The following ZNF567 variants were observed in gnomAD, a reference collection of about 807,000 sequenced individuals.
The protein encoded by ZNF567 is zinc finger protein 567.
A neutral mutation model predicts 53.9 loss-of-function variants in ZNF567; 36 were observed. That is an observed-to-expected ratio of 0.67 (90% CI 0.51 to 0.88). The LOEUF (loss-of-function observed/expected upper bound fraction) is 0.88. Ranked by LOEUF, ZNF567 falls within the 40% of genes least tolerant of loss-of-function variation. ZNF567 has a pLI of 0.00. For synonymous variants in ZNF567, 224 were observed against 260.4 expected (o/e 0.86, Z 1.35); for missense variants, 619 against 764.7 (o/e 0.81, Z 2.25).
chr19:36,705,225 C>T (rs1353077922), intron 3 of ZNF567, among the ~76,000 whole-genome samples: 3 of 152,076 alleles, frequency 2.0e-5, no homozygotes, highest in Non-Finnish European at 4.4e-5. Context: ...TCCTTTCCCT[C>T]TCATGACTTT....
the ZNF567 span, among the ~76,000 whole-genome samples, chr19:36,681,349 C>T: frequency 1.3e-5 from 2 of 152,090 alleles, no homozygotes; most frequent in Non-Finnish European, 2.9e-5. Flanking sequence ...TTAAGGGTCC[C>T]TTTTACATAT....
rs940944584 is a variant in ZNF567 at position 36,708,810 on chromosome 19, T to C, written c.10-3576T>C. Among the ~76,000 whole-genome samples, 51 of 152,250 alleles carry C rather than the reference T, an allele frequency of 3.3e-4. 2 individuals carry two copies. Among genetic ancestry groups the C allele is most frequent in the Admixed American group, 2.7e-3 (42 of 15,290 alleles). ...TCCTCCTAACCCGTTCTTGCTTATC[T>C]GTTCCTACATTCTGTTGTATTTTGT... On this transcript the variant is annotated intron_variant, in intron 3 of 5. Transcript: ENST00000682579.
the ZNF567 span, among the ~76,000 whole-genome samples, chr19:36,675,049 G>A: frequency 1.3e-5 from 2 of 152,024 alleles, no homozygotes; most frequent in South Asian, 2.1e-4. Flanking sequence ...CACTGCAGCC[G>A]GCCTAAAAGC....
Position 36,694,876 on chromosome 19 carries a change from G to A in ZNF567, c.9G>A (p.Gln3=). Residue 3 remains glutamine, a splice_region_variant and synonymous_variant, in exon 3 of 6, where the codon CAG becomes CAA. Coordinates refer to ENST00000682579, the MANE Select transcript of ZNF567 (RefSeq NM_001322917.1). MA[Q]GSVSFNDVTV... ...TTTCATATCTCAAAACCATGGCTCA[G>A]GTAAGGCGATGGTTTCTCTCTCCTT... is the stretch of plus-strand genomic sequence containing the variant. 2 of 1,521,982 alleles carry A rather than the reference G, an allele frequency of 1.3e-6. No homozygotes were observed. Among genetic ancestry groups the A allele is most frequent in the Non-Finnish European group, 1.7e-6 (2 of 1,143,082 alleles). The allele number at this position is 1,521,982 out of a possible 1,614,324, so 94.3% of individuals were successfully genotyped here. A position where few individuals can be genotyped will look rare whatever the true frequency, so the allele number is the denominator to read the frequency against.
At chr19:36,676,631 G>A in the ZNF567 span, among the ~76,000 whole-genome samples, 1 of 152,246 alleles carries the variant, frequency 6.6e-6, no homozygotes. Flanking sequence ...CTGTCACTTC[G>A]AGGGATAACC....
chr19:36,721,753 T>TTC (rs2040305775), downstream of ZNF567, among the ~76,000 whole-genome samples: 1 of 142,344 alleles, frequency 7.0e-6, no homozygotes, highest in Admixed American at 7.0e-5. Context: ...TCTTTTTTTT[T>TTC]TTTTTTTTTG....
At chr19:36,706,557 G>C (rs753855834) in intron 3 of ZNF567, among the ~76,000 whole-genome samples, 7 of 151,916 alleles carry the variant, frequency 4.6e-5, no homozygotes, top group Non-Finnish European at 1.0e-4. Context: ...GCCTCCCAAA[G>C]TGCTAGGATT....
chr19:36,724,855 T>TAAA (rs879898922), downstream of ZNF567, among the ~76,000 whole-genome samples: 2 of 140,648 alleles, frequency 1.4e-5, no homozygotes, highest in African/African-American at 5.2e-5. Context: ...CTCAAAAAAT[T>TAAA]AAAAAAAAAA....
upstream of ZNF567, among the ~76,000 whole-genome samples, chr19:36,684,729 AT>A (rs1224208993): frequency 1.3e-5 from 2 of 152,156 alleles, no homozygotes; most frequent in Non-Finnish European, 2.9e-5. Context: ...AAGAAATGGA[AT>A]TTTGGTCTGA....
At chr19:36,699,398 G>A (rs939166435) in intron 3 of ZNF567, among the ~76,000 whole-genome samples, 5 of 152,124 alleles carry the variant, frequency 3.3e-5, no homozygotes, top group South Asian at 2.1e-4. Flanking sequence ...TTGACTTGGC[G>A]ATGTGGGCTC....
the ZNF567 span, among the ~76,000 whole-genome samples, chr19:36,671,538 G>A: frequency 6.6e-6 from 1 of 152,204 alleles, no homozygotes; most frequent in Non-Finnish European, 1.5e-5. Flanking sequence ...AGGCTGCTGT[G>A]CAAGCTGATG....
In ZNF567 at chr19:36,719,394, G is replaced by A. The variant is rs762496741; in HGVS notation, c.670G>A (p.Gly224Ser). The A allele has an allele frequency of 9.3e-6, 15 of 1,613,544 alleles. No individual in the cohort carries two copies. The highest frequency in any genetic ancestry group is 1.2e-5 in the Non-Finnish European group (14 of 1,179,964). Residue 224 changes from glycine (G) to serine (S), a missense_variant, in exon 6 of 6, where the codon GGC (glycine) becomes AGC (serine). Physicochemically the swap from Gly to Ser is moderately conservative, Grantham distance 56 (BLOSUM62 0). Coordinates refer to ENST00000682579, the MANE Select transcript of ZNF567 (RefSeq NM_001322917.1). Reference protein sequence around the residue: ...DCEKSFLQRGGLITHSRPYKG... With the variant: ...DCEKSFLQRGSLITHSRPYKG... ...TGAGAAATCATTCCTTCAAAGGGGA[G>A]GCCTGATTACACATAGTAGACCTTA... is the stretch of plus-strand genomic sequence containing the variant.
intron 3 of ZNF567, chr19:36,703,646 A>T (rs1045437169): frequency 2.5e-5 from 4 of 161,144 alleles, no homozygotes; most frequent in African/African-American, 9.6e-5. Flanking sequence ...GGGCACGTCT[A>T]CCCCAGCCTC....
At position 36,718,977 on chromosome 19, in the gene ZNF567, G is replaced by C. The variant is rs777126205; in HGVS notation, c.253G>C (p.Val85Leu). 2 of 1,566,148 alleles carry C rather than the reference G, an allele frequency of 1.3e-6. No homozygotes were observed. The highest frequency in any genetic ancestry group is 2.4e-5 in the South Asian group (2 of 82,926). The stretch of plus-strand genomic sequence containing the variant: ...AAACTGGAAAGCTGAAGACTTTTTA[G>C]TGAAATTCAAGGAACACCAAGAGAA... ...EENWKAEDFLVKFKEHQEKYS... is the reference protein window; with the variant it reads ...EENWKAEDFLLKFKEHQEKYS... Residue 85 changes from valine (V) to leucine (L), a missense_variant, in exon 6 of 6, where the codon GTG (valine) becomes CTG (leucine). Physicochemically the swap from Val to Leu is conservative, Grantham distance 32. Coordinates refer to ENST00000682579, the MANE Select transcript of ZNF567 (RefSeq NM_001322917.1).
the ZNF567 span, among the ~76,000 whole-genome samples, chr19:36,670,295 C>A: frequency 6.6e-6 from 1 of 152,130 alleles, no homozygotes; most frequent in South Asian, 2.1e-4. Flanking sequence ...AGAATCCCCA[C>A]ATTGATTACC....
At chr19:36,701,469 G>C (rs2039181269) in intron 3 of ZNF567, among the ~76,000 whole-genome samples, 1 of 151,550 alleles carries the variant, frequency 6.6e-6, no homozygotes, top group African/African-American at 2.4e-5. Flanking sequence ...TTCAATTCCT[G>C]GGTATCCTTG....
the ZNF567 span, among the ~76,000 whole-genome samples, chr19:36,667,270 C>T: frequency 2.0e-5 from 3 of 151,830 alleles, no homozygotes; most frequent in Non-Finnish European, 4.4e-5. Context: ...TGGCCGGGCG[C>T]GGTGGCTCAC....
At chr19:36,705,025 G>A (rs1303547734) in intron 3 of ZNF567, among the ~76,000 whole-genome samples, 2 of 152,034 alleles carry the variant, frequency 1.3e-5, no homozygotes, top group African/African-American at 4.8e-5. Context: ...TTTGATGTTT[G>A]TATAATCTGT....
chr19:36,679,731 A>G, the ZNF567 span, among the ~76,000 whole-genome samples: 4 of 152,172 alleles, frequency 2.6e-5, no homozygotes, highest in African/African-American at 7.2e-5. Context: ...AGACACAGAG[A>G]GACAAATACT....
Sources: gnomAD v4.1 joint callset for allele counts (sites outside exome capture counted in the v4.1 genomes callset) on GRCh38, gnomAD v4.1.1 for gene constraint, MANE v1.5 for transcripts, NCBI Gene and HGNC (gene_info 2026-07-23, HGNC 2026-07-21) for gene names.